The following NLGN4X variants were observed in gnomAD, a reference collection of about 807,000 sequenced individuals.
The protein encoded by NLGN4X is neuroligin 4 X-linked, also known as neuroligin-4, X-linked.
Under a neutral mutation model 40.3 loss-of-function variants are expected in NLGN4X, and 3 were observed. That is an observed-to-expected ratio of 0.07 (90% CI 0.03 to 0.19). The LOEUF (loss-of-function observed/expected upper bound fraction) is 0.19, where lower values mean the gene tolerates loss of function less well. Among genes scored for constraint, NLGN4X ranks in the 10% least tolerant of loss-of-function variants. The pLI is 1.00. For synonymous variants in NLGN4X, 270 were observed against 306.8 expected (o/e 0.88, Z 1.25); for missense variants, 382 against 708.3 (o/e 0.54, Z 5.23).
At chrX:6,057,513 T>A (rs1320058992) in intron 2 of NLGN4X, among the ~76,000 whole-genome samples, 2 of 112,065 alleles carry the variant, frequency 1.8e-5, no homozygotes, top group East Asian at 5.6e-4. Flanking sequence ...GAATTAAGAA[T>A]AAGATGAGTA....
chrX:6,048,423 G>A (rs186218588), intron 2 of NLGN4X, among the ~76,000 whole-genome samples: 1 of 111,628 alleles, frequency 9.0e-6, no homozygotes, highest in East Asian at 2.8e-4. Context: ...GTATGGCCTG[G>A]AAGCACTGAT....
intron 3 of NLGN4X, among the ~76,000 whole-genome samples, chrX:6,023,588 G>A (rs763473890): frequency 3.7e-4 from 41 of 111,944 alleles, no homozygotes; most frequent in Admixed American, 6.6e-4. Context: ...GATGCCATGA[G>A]TAAATCCCAT....
chrX:6,077,571 C>T (rs2038239668), intron 2 of NLGN4X, among the ~76,000 whole-genome samples: 1 of 110,984 alleles, frequency 9.0e-6, no homozygotes, highest in South Asian at 3.8e-4. Context: ...CTACAGGTGT[C>T]AGCCACCATG....
At chrX:5,961,948 A>C (rs182215744) in intron 3 of NLGN4X, among the ~76,000 whole-genome samples, 1 of 112,116 alleles carries the variant, frequency 8.9e-6, no homozygotes, top group African/African-American at 3.2e-5. Context: ...GATATGTGAT[A>C]AGCCAAACAA....
intron 3 of NLGN4X, among the ~76,000 whole-genome samples, chrX:5,971,025 G>C (rs1353308625): frequency 9.0e-6 from 1 of 111,414 alleles, no homozygotes; most frequent in Non-Finnish European, 1.9e-5. Flanking sequence ...GCTGTTCCCT[G>C]AGGAACCTCA....
chrX:6,043,454 G>A (rs1344129809), intron 2 of NLGN4X, among the ~76,000 whole-genome samples: 2 of 110,844 alleles, frequency 1.8e-5, no homozygotes, highest in Non-Finnish European at 3.8e-5. Flanking sequence ...ATGAGATTGT[G>A]GAAAAGTTTG....
intron 1 of NLGN4X, among the ~76,000 whole-genome samples, chrX:6,202,739 C>G (rs1270425109): frequency 8.9e-6 from 1 of 111,981 alleles, no homozygotes; most frequent in Admixed American, 9.4e-5. Flanking sequence ...CTCTCAAAGT[C>G]TATTGATTAC....
chrX:6,225,689 CTTTTTTTTTTTTTTTTT>C (rs749574818), intron 1 of NLGN4X, among the ~76,000 whole-genome samples: 16 of 26,905 alleles, frequency 5.9e-4, no homozygotes, highest in Middle Eastern at 0.042. Context: ...TTCTTTTTTT[CTTTTTTTTTTTTTTTTT>C]TTTTTTTTTT....
rs181735731 is a variant in NLGN4X, at chrX:6,044,886, C to T, written c.473-15454G>A. 2.2e-3 allele frequency among the ~76,000 whole-genome samples: 244 copies of T among 112,501 alleles called. 1 individual carries two copies. Among genetic ancestry groups the T allele is most frequent in the African/African-American group, 7.4e-3 (228 of 31,000 alleles). Reference sequence around the variant, plus strand: ...AAGACAACCACAGTCCTCTCAGGAACACTCTAAAGGAACACTTAGGGAATC... The same window carrying T: ...AAGACAACCACAGTCCTCTCAGGAATACTCTAAAGGAACACTTAGGGAATC... On this transcript the variant is annotated intron_variant, in intron 2 of 5. Coordinates refer to ENST00000381095, the MANE Select transcript of NLGN4X (RefSeq NM_181332.3).
chrX:6,179,017 T>G (rs1260972647), intron 1 of NLGN4X, among the ~76,000 whole-genome samples: 2 of 108,241 alleles, frequency 1.8e-5, no homozygotes, highest in African/African-American at 6.8e-5. Context: ...GAAGATTACT[T>G]GAGCCCAGGA....
Position 6,113,881 on chromosome X carries a change from C to T in NLGN4X, c.472+37114G>A, listed in dbSNP as rs574625255. Reference sequence around the variant, plus strand: ...GTCACCCAGGCTGGAAGTGCAGTGGCGCAATCTCAGCTCACTGCAGCCTCT... The same window carrying T: ...GTCACCCAGGCTGGAAGTGCAGTGGTGCAATCTCAGCTCACTGCAGCCTCT... On this transcript the variant is annotated intron_variant, in intron 2 of 5. Transcript: ENST00000381095. Among the ~76,000 whole-genome samples the T allele has an allele frequency of 1.9e-4, 21 of 111,113 alleles. No individual in the cohort carries two copies. In the South Asian group the frequency reaches 6.9e-3, roughly 36 times the overall value.
intron 2 of NLGN4X, among the ~76,000 whole-genome samples, chrX:6,054,657 G>A (rs1433270311): frequency 9.0e-6 from 1 of 110,593 alleles, no homozygotes; most frequent in Admixed American, 9.6e-5. Flanking sequence ...AGTCAAAGGG[G>A]AATTAATTTT....
chrX:6,148,315 T>C (rs2040095178), intron 2 of NLGN4X, among the ~76,000 whole-genome samples: 1 of 111,416 alleles, frequency 9.0e-6, no homozygotes, highest in African/African-American at 3.3e-5. Context: ...CTGGTCAGAG[T>C]GGAATTTTGA....
At chrX:6,093,790 G>A (rs2038695746) in intron 2 of NLGN4X, among the ~76,000 whole-genome samples, 1 of 111,427 alleles carries the variant, frequency 9.0e-6, no homozygotes, top group Non-Finnish European at 1.9e-5. Context: ...TTGTAAAACA[G>A]AAAGCATTTT....
intron 1 of NLGN4X, among the ~76,000 whole-genome samples, chrX:6,177,724 GA>G (rs1920989306): frequency 9.0e-6 from 1 of 111,290 alleles, no homozygotes; most frequent in Non-Finnish European, 1.9e-5. Flanking sequence ...GACTGAGACT[GA>G]AAAAATCTAG....
chrX:6,073,564 T>A (rs2038119687), intron 2 of NLGN4X, among the ~76,000 whole-genome samples: 1 of 111,568 alleles, frequency 9.0e-6, no homozygotes, highest in Non-Finnish European at 1.9e-5. Context: ...CAATATTTCA[T>A]GTGATGAAGG....
chrX:6,004,210 C>T (rs67204654), intron 3 of NLGN4X, among the ~76,000 whole-genome samples: 10,595 of 112,240 alleles, frequency 0.094, 926 homozygotes, highest in African/African-American at 0.28. Context: ...TCAAAAGACA[C>T]TTATTAAATG....
chrX:5,990,134 C>T (rs116593254), intron 3 of NLGN4X, among the ~76,000 whole-genome samples: 7,683 of 107,197 alleles, frequency 0.072, 729 homozygotes, highest in African/African-American at 0.25. Context: ...TAAATCCACC[C>T]AAACAACAAG....
At chrX:6,153,442 A>C (rs1037818086) in intron 1 of NLGN4X, among the ~76,000 whole-genome samples, 1 of 112,265 alleles carries the variant, frequency 8.9e-6, no homozygotes, top group Admixed American at 9.5e-5. Flanking sequence ...GATGTCTGCC[A>C]TACAGCAATC....
Sources: gnomAD v4.1 joint callset for allele counts (sites outside exome capture counted in the v4.1 genomes callset) on GRCh38, gnomAD v4.1.1 for gene constraint, MANE v1.5 for transcripts, NCBI Gene and HGNC (gene_info 2026-07-23, HGNC 2026-07-21) for gene names.